Variants in MPRIP observed in about 807,000 individuals in gnomAD.
MPRIP encodes the protein myosin phosphatase Rho-interacting protein.
Under a neutral mutation model 234.9 loss-of-function variants are expected in MPRIP, and 59 were observed. The ratio of observed to expected loss-of-function variants is 0.25; its 90% CI spans 0.20 to 0.31. The LOEUF (loss-of-function observed/expected upper bound fraction) is 0.31. MPRIP is among the 10% of genes least tolerant of loss of function. MPRIP has a pLI of 1.00. For synonymous variants in MPRIP, 1,144 were observed against 1,263.9 expected (o/e 0.91, Z 2.01); for missense variants, 2,436 against 3,071.0 (o/e 0.79, Z 4.89).
intron 3 of MPRIP, among the ~76,000 whole-genome samples, chr17:17,102,049 A>T (rs73979084): frequency 0.07 from 10,475 of 150,602 alleles, 1,134 homozygotes; most frequent in African/African-American, 0.23. Flanking sequence ...TTTTTTTTTA[A>T]TTTTTTTTAT....
In MPRIP at chr17:17,191,842, G is replaced by T. The variant is rs745420297; in HGVS notation, c.*6948G>T. 32 of 152,184 alleles carry T rather than the reference G, an allele frequency of 2.1e-4. 1 individual carries two copies. Among genetic ancestry groups the T allele is most frequent in the Non-Finnish European group, 7.3e-5 (5 of 68,032 alleles). The allele number at this position is 152,184 out of a possible 1,614,324, so 9.4% of individuals were successfully genotyped here. ...TTATATCACAAGCTTCAATTAAAAT[G>T]GATTTTAAAGGATTTTAGGATTTAC... On this transcript the variant is annotated 3_prime_UTR_variant, in exon 24 of 24. Transcript: ENST00000651222.
rs540036343 is a variant in MPRIP at position 17,138,234 on chromosome 17, G to A, written c.1055G>A (p.Arg352Gln). 2.2e-5 allele frequency: 14 copies of A among 629,768 alleles called. No individual in the cohort carries two copies. The highest frequency in any genetic ancestry group is 1.3e-4 in the East Asian group (4 of 31,158). 39.0% of individuals were successfully genotyped at this position (629,768 alleles called of 1,614,324 possible). A position where few individuals can be genotyped will look rare whatever the true frequency, so the allele number is the denominator to read the frequency against. ...GTGGACTCTGGCAGCACTAGGGGGC[G>A]GGGGACAGAGAGACTGGGGAGCGCC... ...AYVDSGSTRGRGTERLGSAFA... is the reference protein window; with the variant it reads ...AYVDSGSTRGQGTERLGSAFA... Residue 352 changes from arginine (R) to glutamine (Q), a missense_variant, in exon 7 of 24, where the codon CGG becomes CAG. By Grantham distance (43) the Arg-to-Gln change is conservative (BLOSUM62 1). This residue lies in a region of MPRIP where 267 missense variants were observed against 252.7 expected (regional missense o/e 1.06). Coordinates refer to ENST00000651222, the MANE Select transcript of MPRIP (RefSeq NM_001364716.4). The surrounding 1 kb of genome is among the most constrained non-coding windows in gnomAD (Gnocchi z 5.8).
At chr17:17,074,671 T>A (rs184789879) in intron 1 of MPRIP, among the ~76,000 whole-genome samples, 63 of 152,358 alleles carry the variant, frequency 4.1e-4, no homozygotes, top group Admixed American at 2.4e-3. Flanking sequence ...TGGCGACCAC[T>A]AATCTGCTTT....
At chr17:17,183,994 A>T (rs892455673) in intron 23 of MPRIP, among the ~76,000 whole-genome samples, 4 of 152,242 alleles carry the variant, frequency 2.6e-5, no homozygotes, top group African/African-American at 9.6e-5. Flanking sequence ...GAAGAGGGAG[A>T]TAAGTGAAGA....
chr17:17,118,328 C>A (rs2090324674), intron 3 of MPRIP, among the ~76,000 whole-genome samples: 1 of 152,370 alleles, frequency 6.6e-6, no homozygotes, highest in South Asian at 2.1e-4. Flanking sequence ...CAACTCTTGG[C>A]CCAAAGTCCC....
intron 3 of MPRIP, among the ~76,000 whole-genome samples, chr17:17,111,438 G>A (rs966265316): frequency 3.3e-5 from 5 of 152,118 alleles, no homozygotes; most frequent in African/African-American, 9.7e-5. Flanking sequence ...GCTAGGAAGT[G>A]GGGGCTCAGC....
chr17:17,104,378 T>G lies in MPRIP; in HGVS notation c.268-22324T>G, dbSNP rs562252584. On this transcript the variant is annotated intron_variant, in intron 3 of 23. Transcript: ENST00000651222. ...AGAACCTTTGGCCATGAGCGAGTTT[T>G]TGGTGAACTAACAGAATTCATTGTC... 3.3e-5 allele frequency among the ~76,000 whole-genome samples: 5 copies of G among 152,324 alleles called. No individual in the cohort carries two copies. The East Asian group carries it at 9.6e-4, about 29-fold the overall frequency.
At chr17:17,051,469 G>A (rs1367019070) in intron 1 of MPRIP, among the ~76,000 whole-genome samples, 1 of 152,226 alleles carries the variant, frequency 6.6e-6, no homozygotes, top group African/African-American at 2.4e-5. Context: ...TGGTTTTCAA[G>A]CTTTCATCAA....
At chr17:17,043,506 C>T (rs1289668461) in intron 1 of MPRIP, among the ~76,000 whole-genome samples, 1 of 152,104 alleles carries the variant, frequency 6.6e-6, no homozygotes, top group African/African-American at 2.4e-5. Flanking sequence ...CGTAGTTTAG[C>T]GGGGAGCTGG....
intron 15 of MPRIP, among the ~76,000 whole-genome samples, chr17:17,161,707 C>G (rs1220961424): frequency 1.3e-5 from 2 of 152,166 alleles, no homozygotes; most frequent in African/African-American, 2.4e-5. Flanking sequence ...TCATAGTTTT[C>G]ACTATAGTAA....
intron 1 of MPRIP, among the ~76,000 whole-genome samples, chr17:17,068,500 C>T (rs2089110513): frequency 6.6e-6 from 1 of 151,536 alleles, no homozygotes; most frequent in South Asian, 2.1e-4. Flanking sequence ...CTTTGTTTCA[C>T]TGATTTTTTC....
chr17:17,152,664 G>A (rs2045628538), intron 12 of MPRIP, among the ~76,000 whole-genome samples: 1 of 152,382 alleles, frequency 6.6e-6, no homozygotes, highest in South Asian at 2.1e-4. Flanking sequence ...GTGCTGGGTG[G>A]AGAGTCAGGT....
At chr17:17,088,855 C>A (rs555522727) in intron 3 of MPRIP, among the ~76,000 whole-genome samples, 12 of 152,210 alleles carry the variant, frequency 7.9e-5, no homozygotes, top group Non-Finnish European at 1.8e-4. Context: ...AAAATCTTTT[C>A]TTTGGCCGGG....
intron 3 of MPRIP, among the ~76,000 whole-genome samples, chr17:17,091,535 G>T (rs1035566733): frequency 6.6e-6 from 1 of 152,218 alleles, no homozygotes; most frequent in Non-Finnish European, 1.5e-5. Flanking sequence ...CGTATTAGGT[G>T]CTGGGTGACT....
At position 17,165,096 on chromosome 17, in the gene MPRIP, G is replaced by A. The variant is rs1001145570; in HGVS notation, c.3505G>A (p.Glu1169Lys). The change falls in exon 16 of 24, where the codon GAG becomes AAG. Residue 1169 changes from glutamate to lysine, a missense_variant. By Grantham distance (56) the Glu-to-Lys change is moderately conservative. Transcript: ENST00000651222. Reference protein sequence around the residue: ...MHTLLREKEEELERIKEAHEK... With the variant: ...MHTLLREKEEKLERIKEAHEK... ...CACTCTGCTGAGAGAGAAGGAGGAA[G>A]AGCTGGAGCGCATTAAGGAAGCACA... is the stretch of plus-strand genomic sequence containing the variant. 2.3e-6 allele frequency: 3 copies of A among 1,303,928 alleles called. No individual in the cohort carries two copies. Among genetic ancestry groups the A allele is most frequent in the Middle Eastern group, 2.1e-4 (1 of 4,698 alleles). 80.8% of individuals were successfully genotyped at this position (1,303,928 alleles called of 1,614,324 possible). A position where few individuals can be genotyped will look rare whatever the true frequency, so the allele number is the denominator to read the frequency against.
intron 3 of MPRIP, among the ~76,000 whole-genome samples, chr17:17,117,251 G>A (rs991695436): frequency 1.2e-4 from 19 of 152,244 alleles, no homozygotes; most frequent in South Asian, 4.1e-4. Flanking sequence ...GTGCCATCCC[G>A]AGCCTGAGCT....
At chr17:17,100,362 C>T (rs1033113362) in intron 3 of MPRIP, among the ~76,000 whole-genome samples, 1 of 152,130 alleles carries the variant, frequency 6.6e-6, no homozygotes, top group African/African-American at 2.4e-5. Context: ...TCCCCCTTGT[C>T]GAACCAGTCA....
intron 7 of MPRIP, among the ~76,000 whole-genome samples, chr17:17,139,961 G>C (rs906506893): frequency 6.6e-6 from 1 of 152,244 alleles, no homozygotes; most frequent in Admixed American, 6.5e-5. Flanking sequence ...AGGCTCAGGA[G>C]TAGGTGACTT....
chr17:17,058,453 A>G (rs2088772329), intron 1 of MPRIP, among the ~76,000 whole-genome samples: 1 of 140,086 alleles, frequency 7.1e-6, no homozygotes. Flanking sequence ...AGGAGTGGGG[A>G]CCCGGGGAGT....
Sources: allele counts gnomAD v4.1 joint callset (sites outside exome capture counted in the v4.1 genomes callset), GRCh38; gene constraint gnomAD v4.1.1; regional missense constraint gnomAD v4.1.1; non-coding constraint Gnocchi (gnomAD v3.1); transcripts MANE v1.5; gene names NCBI Gene and HGNC (gene_info 2026-07-23, HGNC 2026-07-21).